The following TRHDE variants were observed in gnomAD, a reference collection of about 807,000 sequenced individuals.
TRHDE encodes the protein thyrotropin-releasing hormone-degrading ectoenzyme.
In TRHDE, 72 loss-of-function variants were observed where a neutral mutation model predicts 125.7. That is an observed-to-expected ratio of 0.57 (90% CI 0.47 to 0.70). The LOEUF is 0.70. Among genes scored for constraint, TRHDE ranks in the 30% least tolerant of loss-of-function variants. The pLI is 0.00. For synonymous variants in TRHDE, 509 were observed against 509.1 expected (o/e 1.00, Z 0.00); for missense variants, 1,110 against 1,327.1 (o/e 0.84, Z 2.54).
At chr12:72,205,363 A>T (rs1877643841) in intron 2 of TRHDE, among the ~76,000 whole-genome samples, 1 of 149,930 alleles carries the variant, frequency 6.7e-6, no homozygotes, top group African/African-American at 2.5e-5. Flanking sequence ...ATGTTTTATC[A>T]TGCTAAAAAA....
At chr12:72,329,655 A>T (rs920192869) in intron 2 of TRHDE, among the ~76,000 whole-genome samples, 6 of 152,214 alleles carry the variant, frequency 3.9e-5, no homozygotes, top group Admixed American at 1.3e-4. Flanking sequence ...GTAGAATCAT[A>T]TATCTCCATA....
At chr12:72,193,370 G>C (rs1877377236) in intron 2 of TRHDE, among the ~76,000 whole-genome samples, 1 of 151,886 alleles carries the variant, frequency 6.6e-6, no homozygotes, top group South Asian at 2.1e-4. Flanking sequence ...TACACTTCAG[G>C]ATAATTGCCT....
In TRHDE at chr12:72,670,168, T is replaced by C. The variant is rs1875214365; in HGVS notation, c.*6973T>C. 1 of 151,832 alleles carries C rather than the reference T, an allele frequency of 6.6e-6. No homozygotes were observed. The highest frequency in any genetic ancestry group is 2.4e-5 in the African/African-American group (1 of 41,418). 9.4% of individuals were successfully genotyped at this position (151,832 alleles called of 1,614,324 possible). A position where few individuals can be genotyped will look rare whatever the true frequency, so the allele number is the denominator to read the frequency against. On this transcript the variant is annotated 3_prime_UTR_variant, in exon 19 of 19. Coordinates refer to ENST00000261180, the MANE Select transcript of TRHDE (RefSeq NM_013381.3). ...TATGTCATATAAAAGCACTTTTCCT[T>C]TCTAACATTTTATGATTTAGGAATT...
chr12:72,378,190 T>C, intron 3 of TRHDE, 69 bp downstream of exon 3: 2 of 1,414,070 alleles, frequency 1.4e-6, no homozygotes, highest in Non-Finnish European at 9.4e-7. Context: ...CATGTGTTTA[T>C]TTGAGCCATC....
At chr12:72,329,052 C>T (rs1458825842) in intron 2 of TRHDE, among the ~76,000 whole-genome samples, 1 of 152,108 alleles carries the variant, frequency 6.6e-6, no homozygotes, top group African/African-American at 2.4e-5. Flanking sequence ...TTTATTCATT[C>T]CATCACAAAA....
chr12:72,374,932 C>A (rs149925011), intron 2 of TRHDE, among the ~76,000 whole-genome samples: 1 of 152,254 alleles, frequency 6.6e-6, no homozygotes, highest in Non-Finnish European at 1.5e-5. Context: ...TGTTAACTGA[C>A]ATGTTCACCT....
chr12:72,201,320 T>G (rs1449342157), intron 2 of TRHDE, among the ~76,000 whole-genome samples: 2 of 152,172 alleles, frequency 1.3e-5, no homozygotes, highest in Non-Finnish European at 2.9e-5. Context: ...AGATTTTTTT[T>G]GGGAAAATTT....
At chr12:72,606,544 C>A (rs541613052) in intron 12 of TRHDE, among the ~76,000 whole-genome samples, 1 of 152,124 alleles carries the variant, frequency 6.6e-6, no homozygotes, top group South Asian at 2.1e-4. Context: ...CTGTTTCCCC[C>A]ATTTTATAAA....
chr12:72,387,777 T>C (rs190337442), intron 3 of TRHDE, among the ~76,000 whole-genome samples: 39 of 152,246 alleles, frequency 2.6e-4, no homozygotes, highest in African/African-American at 8.2e-4. Context: ...TTTGATGGTT[T>C]TATAAGGGGA....
chr12:72,326,785 A>G (rs1169650641), intron 2 of TRHDE, among the ~76,000 whole-genome samples: 1 of 152,184 alleles, frequency 6.6e-6, no homozygotes, highest in African/African-American at 2.4e-5. Flanking sequence ...CACTTTCAGA[A>G]TAACAGGCAA....
intron 6 of TRHDE, among the ~76,000 whole-genome samples, chr12:72,510,201 C>T (rs753061836): frequency 2.0e-4 from 31 of 152,154 alleles, no homozygotes; most frequent in Non-Finnish European, 2.9e-5. Context: ...TTAGACTTTG[C>T]TTTCCCTACT....
chr12:72,513,448 A>G (rs1446023368), intron 6 of TRHDE, among the ~76,000 whole-genome samples: 1 of 152,034 alleles, frequency 6.6e-6, no homozygotes, highest in Non-Finnish European at 1.5e-5. Context: ...AGATGTTTTT[A>G]TGGATTCTTT....
At chr12:72,345,391 G>A (rs1372840920) in intron 2 of TRHDE, among the ~76,000 whole-genome samples, 3 of 152,208 alleles carry the variant, frequency 2.0e-5, no homozygotes, top group Admixed American at 1.3e-4. Context: ...GGGAAGAGAT[G>A]CATAGTCGCA....
At chr12:72,378,155 C>A (rs764113718) in intron 3 of TRHDE, 34 bp downstream of exon 3, 113 of 1,534,718 alleles carry the variant, frequency 7.4e-5, no homozygotes, top group Non-Finnish European at 9.7e-5. Context: ...ATTGGAAGGG[C>A]TCCTTGAAAG....
intron 2 of TRHDE, among the ~76,000 whole-genome samples, chr12:72,178,310 A>G (rs945119516): frequency 1.3e-5 from 2 of 152,126 alleles, no homozygotes; most frequent in Admixed American, 1.3e-4. Flanking sequence ...TGCAATATTT[A>G]TGAAAACAAT....
rs192153120 is a variant in TRHDE at position 72,405,982 on chromosome 12, A to G, written c.1315+27861A>G. On this transcript the variant is annotated intron_variant, in intron 3 of 18. Coordinates refer to ENST00000261180, the MANE Select transcript of TRHDE (RefSeq NM_013381.3). ...TCCCTCAATATTCAAACATTTCTTT[A>G]AAGGCTCACTAGCTCGTAGGACTTT... Among the ~76,000 whole-genome samples, 477 of 152,316 alleles carry G rather than the reference A, an allele frequency of 3.1e-3. 1 individual carries two copies. Among genetic ancestry groups the G allele is most frequent in the African/African-American group, 0.011 (442 of 41,574 alleles).
At chr12:72,138,277 A>C (rs1240457046) in intron 2 of TRHDE, among the ~76,000 whole-genome samples, 5 of 152,088 alleles carry the variant, frequency 3.3e-5, no homozygotes, top group Admixed American at 1.3e-4. Context: ...CCGGAGGCTG[A>C]GGCAGGGGAA....
In TRHDE at chr12:72,141,371, C is replaced by T. The variant is rs191974820; in HGVS notation, n.279+35619C>T. On this transcript the variant is annotated intron_variant and non_coding_transcript_variant, in intron 2 of 4. Coordinates refer to the TRHDE transcript ENST00000548156. Reference sequence around the variant, plus strand: ...TTTACCAGGGACTCATGCTATGAGACCCCAGTTTTTCACTGCCCCGATAAC... The same window carrying T: ...TTTACCAGGGACTCATGCTATGAGATCCCAGTTTTTCACTGCCCCGATAAC... Among the ~76,000 whole-genome samples, 9 of 152,180 alleles carry T rather than the reference C, an allele frequency of 5.9e-5. No homozygotes were observed. The East Asian group carries it at 1.2e-3, about 20-fold the overall frequency.
intron 2 of TRHDE, among the ~76,000 whole-genome samples, chr12:72,227,762 A>T (rs1878163434): frequency 6.6e-6 from 1 of 152,232 alleles, no homozygotes. Context: ...ATGGGGGTAC[A>T]GGCTTTGGGT....
Sources: gnomAD v4.1 joint callset for allele counts (sites outside exome capture counted in the v4.1 genomes callset) on GRCh38, gnomAD v4.1.1 for gene constraint, MANE v1.5 for transcripts, NCBI Gene and HGNC (gene_info 2026-07-23, HGNC 2026-07-21) for gene names.